CCDC171: variants seen among roughly 807,000 people sequenced by gnomAD.
CCDC171 encodes the protein coiled-coil domain containing 171, also known as coiled-coil domain-containing protein 171.
A neutral mutation model predicts 168.2 loss-of-function variants in CCDC171; 177 were observed. The observed-to-expected ratio is 1.05, with a 90% CI of 0.93 to 1.19. CCDC171 has a LOEUF of 1.19. CCDC171 is among the 50% of genes most tolerant of loss of function. The pLI, the probability that CCDC171 is intolerant of heterozygous loss-of-function variation, is 0.00. For missense variants in CCDC171, 1,991 were observed against 1,539.0 expected (o/e 1.29, Z -4.91); for synonymous variants, 687 against 540.8 (o/e 1.27, Z -3.75).
intron 25 of CCDC171, among the ~76,000 whole-genome samples, chr9:15,929,785 A>T (rs1368862456): frequency 6.6e-6 from 1 of 151,750 alleles, no homozygotes; most frequent in Non-Finnish European, 1.5e-5. Context: ...TCATAGCATT[A>T]CTGAAAACAT....
chr9:15,581,774 A>C (rs914574048), intron 4 of CCDC171, among the ~76,000 whole-genome samples: 4 of 152,130 alleles, frequency 2.6e-5, no homozygotes, highest in Non-Finnish European at 4.4e-5. Flanking sequence ...TTACACAAAA[A>C]TTAACTCAAG....
chr9:15,587,526 G>A (rs1184128965), intron 4 of CCDC171: 1 of 393,780 alleles, frequency 2.5e-6, no homozygotes, highest in East Asian at 7.5e-5. Flanking sequence ...TTTGTAAATT[G>A]CCCAGTCTCA....
chr9:16,032,452 G>C (rs1833379273), intron 6 of CCDC171, among the ~76,000 whole-genome samples: 1 of 152,168 alleles, frequency 6.6e-6, no homozygotes, highest in Non-Finnish European at 1.5e-5. Flanking sequence ...GCCAAGAAGA[G>C]AGTTCAGAGA....
chr9:15,647,743 A>G (rs1214185192), intron 7 of CCDC171, among the ~76,000 whole-genome samples: 1 of 152,184 alleles, frequency 6.6e-6, no homozygotes, highest in East Asian at 1.9e-4. Context: ...TCTGAAATTG[A>G]GGCAATAATC....
intron 25 of CCDC171, among the ~76,000 whole-genome samples, chr9:15,929,231 T>C (rs962017825): frequency 1.5e-4 from 22 of 151,714 alleles, no homozygotes; most frequent in Admixed American, 4.0e-4. Context: ...AAAATATGGA[T>C]AGTAACTGGC....
At chr9:15,590,758 T>C (rs1173270194) in intron 4 of CCDC171, among the ~76,000 whole-genome samples, 2 of 122,624 alleles carry the variant, frequency 1.6e-5, no homozygotes, top group African/African-American at 5.6e-5. Flanking sequence ...ATTTTTTTCT[T>C]CTTTCTTTCT....
chr9:15,567,141 C>T (rs1000536968), intron 2 of CCDC171, among the ~76,000 whole-genome samples: 2 of 151,150 alleles, frequency 1.3e-5, no homozygotes, highest in South Asian at 2.1e-4. Flanking sequence ...CCTGCCTCAA[C>T]CTCCCGAGTA....
upstream of CCDC171, among the ~76,000 whole-genome samples, chr9:16,042,116 G>A (rs1833582505): frequency 6.6e-6 from 1 of 152,170 alleles, no homozygotes; most frequent in Non-Finnish European, 1.5e-5. Flanking sequence ...CAGCTAGTTC[G>A]TCGTGGAGCA....
chr9:15,997,574 C>T (rs1832412552), intron 3 of CCDC171, among the ~76,000 whole-genome samples: 1 of 151,908 alleles, frequency 6.6e-6, no homozygotes, highest in African/African-American at 2.4e-5. Flanking sequence ...GGAAATTTAC[C>T]AGAGGGAGTT....
chr9:16,107,481 C>G, the CCDC171 span, among the ~76,000 whole-genome samples: 3 of 152,112 alleles, frequency 2.0e-5, no homozygotes, highest in Admixed American at 2.0e-4. Flanking sequence ...ATACCATTTA[C>G]ACAAGTTCCC....
intron 18 of CCDC171, among the ~76,000 whole-genome samples, chr9:15,774,141 G>T (rs746357376): frequency 6.6e-6 from 1 of 151,108 alleles, no homozygotes; most frequent in Non-Finnish European, 1.5e-5. Flanking sequence ...AGCTACTCGG[G>T]AGGCTGAAGT....
intron 3 of CCDC171, among the ~76,000 whole-genome samples, chr9:15,987,415 CTAAAA>C (rs1426671184): frequency 6.6e-6 from 1 of 151,540 alleles, no homozygotes; most frequent in African/African-American, 2.4e-5. Flanking sequence ...CCCCTTGAAC[CTAAAA>C]TAAAAGTTGG....
chr9:15,626,895 C>A (rs1437015346), intron 7 of CCDC171, among the ~76,000 whole-genome samples: 1 of 152,132 alleles, frequency 6.6e-6, no homozygotes, highest in Non-Finnish European at 1.5e-5. Context: ...GGAATGGTAC[C>A]AGCTCCTCCT....
Position 15,744,666 on chromosome 9 carries a change from A to T in CCDC171, c.2443A>T (p.Lys815Ter). ...TGCTGTTTTGGCAGCAAACAGACTC[A>T]AGATTTTGGGCCAATCATGTGCCTC... ...VIAVLAANRLKILGQSCASLF... is the reference protein window; with the variant it reads ...VIAVLAANRL The change falls in exon 17 of 26, where the codon AAG becomes TAG. Residue 815 changes from lysine to a stop codon, truncating the protein, a stop_gained. Transcript: ENST00000380701. LOFTEE classifies it high-confidence loss of function. The T allele has an allele frequency of 2.5e-6, 4 of 1,614,216 alleles. No homozygotes were observed. The highest frequency in any genetic ancestry group is 3.4e-6 in the Non-Finnish European group (4 of 1,180,020).
intron 23 of CCDC171, among the ~76,000 whole-genome samples, chr9:15,855,726 C>T (rs2061324856): frequency 6.6e-6 from 1 of 151,612 alleles, no homozygotes; most frequent in African/African-American, 2.4e-5. Flanking sequence ...CTTAGTGTTA[C>T]CCTTGGTGAT....
chr9:15,673,389 T>C (rs1264266496), intron 9 of CCDC171, among the ~76,000 whole-genome samples: 1 of 152,080 alleles, frequency 6.6e-6, no homozygotes, highest in Admixed American at 6.6e-5. Flanking sequence ...CAACACTATG[T>C]TGAATTAAGT....
intron 6 of CCDC171, among the ~76,000 whole-genome samples, chr9:15,605,619 G>A (rs937654545): frequency 2.7e-5 from 4 of 150,836 alleles, no homozygotes; most frequent in African/African-American, 4.9e-5. Context: ...CCCAGGAGGT[G>A]GAGGTTGCAG....
At chr9:15,936,910 G>T (rs1190569028) in intron 25 of CCDC171, among the ~76,000 whole-genome samples, 1 of 151,862 alleles carries the variant, frequency 6.6e-6, no homozygotes, top group Non-Finnish European at 1.5e-5. Flanking sequence ...TTTTTAGGTG[G>T]AAAGATTGCC....
At chr9:15,780,148 C>A (rs1046719382) in intron 20 of CCDC171, among the ~76,000 whole-genome samples, 4 of 152,176 alleles carry the variant, frequency 2.6e-5, no homozygotes, top group Admixed American at 2.6e-4. Flanking sequence ...ATTATTATTT[C>A]AAGTAGATAC....
Sources: gnomAD v4.1 joint callset for allele counts (sites outside exome capture counted in the v4.1 genomes callset) on GRCh38, gnomAD v4.1.1 for gene constraint, MANE v1.5 for transcripts, NCBI Gene and HGNC (gene_info 2026-07-23, HGNC 2026-07-21) for gene names.